BTBD10: variants seen among roughly 807,000 people sequenced by gnomAD.
The protein encoded by BTBD10 is BTB/POZ domain-containing protein 10.
A neutral mutation model predicts 53.2 loss-of-function variants in BTBD10; 21 were observed. The observed-to-expected ratio is 0.39, with a 90% CI of 0.28 to 0.57. The LOEUF (loss-of-function observed/expected upper bound fraction) is 0.57. BTBD10 is among the 20% of genes least tolerant of loss of function. The pLI, the probability that BTBD10 is intolerant of heterozygous loss-of-function variation, is 0.53. For synonymous variants in BTBD10, 149 were observed against 192.7 expected, an observed-to-expected ratio of 0.77 and a Z score of 1.88; for missense variants, 360 against 594.7, an observed-to-expected ratio of 0.61 and a Z score of 4.10.
At chr11:13,393,709 T>C (rs556243631) in intron 8 of BTBD10, among the ~76,000 whole-genome samples, 83 of 152,322 alleles carry the variant, frequency 5.4e-4, no homozygotes, top group African/African-American at 1.9e-3. Context: ...ATATCATAGA[T>C]TGTAGTACAC....
intron 7 of BTBD10, among the ~76,000 whole-genome samples, chr11:13,404,336 C>T (rs1591103408): frequency 1.3e-5 from 2 of 152,018 alleles, no homozygotes; most frequent in East Asian, 3.9e-4. Flanking sequence ...GTTTTCAGGC[C>T]TTTTAAGCTT....
intron 2 of BTBD10, among the ~76,000 whole-genome samples, chr11:13,424,558 G>A (rs1420254289): frequency 6.6e-6 from 1 of 152,100 alleles, no homozygotes; most frequent in Non-Finnish European, 1.5e-5. Flanking sequence ...TAGTTAATAT[G>A]TACAAAAGAA....
intron 1 of BTBD10, among the ~76,000 whole-genome samples, chr11:13,461,242 C>T (rs1321952225): frequency 6.6e-6 from 1 of 152,126 alleles, no homozygotes; most frequent in Non-Finnish European, 1.5e-5. Flanking sequence ...GGATTTGATT[C>T]AGTCACATGA....
chr11:13,446,549 T>C (rs1950752532), intron 1 of BTBD10, among the ~76,000 whole-genome samples: 2 of 152,120 alleles, frequency 1.3e-5, no homozygotes, highest in Non-Finnish European at 2.9e-5. Flanking sequence ...GATCCATGAG[T>C]GAAATAAAAA....
chr11:13,462,971 C>T (rs1845069835), intron 1 of BTBD10, 121 bp downstream of exon 1: 1 of 153,010 alleles, frequency 6.5e-6, no homozygotes, highest in Non-Finnish European at 1.5e-5. Flanking sequence ...CCGCCCAGAC[C>T]ACCGCCGCAG....
intron 1 of BTBD10, among the ~76,000 whole-genome samples, chr11:13,454,593 T>G (rs1950927129): frequency 6.6e-6 from 1 of 152,156 alleles, no homozygotes; most frequent in South Asian, 2.1e-4. Flanking sequence ...GGCATGCACC[T>G]ATAATCCCAC....
At chr11:13,397,907 C>T (rs1349045282) in intron 8 of BTBD10, among the ~76,000 whole-genome samples, 1 of 152,134 alleles carries the variant, frequency 6.6e-6, no homozygotes, top group Admixed American at 6.6e-5. Flanking sequence ...GTCTAAGAGA[C>T]AGTTTGTTAT....
intron 6 of BTBD10, among the ~76,000 whole-genome samples, chr11:13,411,252 A>T (rs1347127738): frequency 6.6e-6 from 1 of 152,236 alleles, no homozygotes; most frequent in Non-Finnish European, 1.5e-5. Context: ...CAAACTGAAA[A>T]AGAGTGCCTC....
chr11:13,439,002 C>T (rs894620666), intron 2 of BTBD10, among the ~76,000 whole-genome samples: 8 of 151,850 alleles, frequency 5.3e-5, no homozygotes, highest in African/African-American at 1.7e-4. Flanking sequence ...CATAAGATGA[C>T]CATTCAAACT....
At chr11:13,455,978 C>T (rs951896686) in intron 1 of BTBD10, among the ~76,000 whole-genome samples, 1 of 152,186 alleles carries the variant, frequency 6.6e-6, no homozygotes, top group Non-Finnish European at 1.5e-5. Context: ...GTAGCACTCA[C>T]TGCTCAGCGC....
intron 6 of BTBD10, among the ~76,000 whole-genome samples, chr11:13,406,869 TGGC>T (rs1949845193): frequency 6.6e-6 from 1 of 152,042 alleles, no homozygotes; most frequent in Non-Finnish European, 1.5e-5. Context: ...CTCTCCAGGC[TGGC>T]TATTTCCCAT....
intron 2 of BTBD10, among the ~76,000 whole-genome samples, chr11:13,443,175 G>C (rs1164938483): frequency 6.6e-6 from 1 of 151,718 alleles, no homozygotes; most frequent in Non-Finnish European, 1.5e-5. Context: ...GATTGCTTAA[G>C]CCTAGGAAGC....
At chr11:13,418,931 C>A (rs1165731805) in intron 4 of BTBD10, among the ~76,000 whole-genome samples, 3 of 146,228 alleles carry the variant, frequency 2.1e-5, no homozygotes, top group South Asian at 2.2e-4. Context: ...CAGAAGATGA[C>A]AATTATCTCC....
chr11:13,454,763 C>A (rs967768843), intron 1 of BTBD10, among the ~76,000 whole-genome samples: 1 of 107,854 alleles, frequency 9.3e-6, no homozygotes. Flanking sequence ...TTTATTTATT[C>A]TTTCATTCAA....
chr11:13,454,013 C>A (rs1054446127), intron 1 of BTBD10, among the ~76,000 whole-genome samples: 4 of 152,082 alleles, frequency 2.6e-5, no homozygotes, highest in Non-Finnish European at 5.9e-5. Flanking sequence ...GATCGCGCCA[C>A]TGCACTCCAG....
At chr11:13,430,557 A>T (rs1049737935) in intron 2 of BTBD10, among the ~76,000 whole-genome samples, 3 of 152,084 alleles carry the variant, frequency 2.0e-5, no homozygotes, top group African/African-American at 7.2e-5. Context: ...CATTATCCAT[A>T]AAAAAAATTT....
chr11:13,418,273 AG>A (rs771375147), intron 4 of BTBD10, among the ~76,000 whole-genome samples: 7 of 152,130 alleles, frequency 4.6e-5, no homozygotes, highest in Non-Finnish European at 8.8e-5. Flanking sequence ...CATAAAAAGA[AG>A]GCTTTGCTAA....
chr11:13,449,256 T>C (rs1950806274), intron 1 of BTBD10, among the ~76,000 whole-genome samples: 1 of 152,064 alleles, frequency 6.6e-6, no homozygotes, highest in African/African-American at 2.4e-5. Flanking sequence ...ACAAAGACAA[T>C]GCACAGTGTA....
intron 1 of BTBD10, among the ~76,000 whole-genome samples, chr11:13,454,778 T>G (rs1950930077): frequency 6.6e-6 from 1 of 152,124 alleles, no homozygotes; most frequent in Non-Finnish European, 1.5e-5. Flanking sequence ...ATTCAAAATT[T>G]ATTTATTGAG....
Sources: allele counts gnomAD v4.1 joint callset (sites outside exome capture counted in the v4.1 genomes callset), GRCh38; gene constraint gnomAD v4.1.1; transcripts MANE v1.5; gene names NCBI Gene and HGNC (gene_info 2026-07-23, HGNC 2026-07-21).